The following PPARD variants were observed in gnomAD, a reference collection of about 807,000 sequenced individuals.
The protein encoded by PPARD is peroxisome proliferator-activated receptor delta.
A neutral mutation model predicts 39.5 loss-of-function variants in PPARD; 6 were observed. That is an observed-to-expected ratio of 0.15 (90% CI 0.08 to 0.30). The LOEUF is 0.30. Among genes scored for constraint, PPARD ranks in the 10% least tolerant of loss-of-function variants. The pLI is 1.00. For synonymous variants in PPARD, 210 were observed against 231.3 expected (o/e 0.91, Z 0.83); for missense variants, 397 against 596.8 (o/e 0.67, Z 3.49).
In PPARD at chr6:35,420,038, G is replaced by A. The variant is rs1045388546; in HGVS notation, c.131-89G>A. The A allele has an allele frequency of 1.5e-5, 22 of 1,472,784 alleles. No homozygotes were observed. The African/African-American group carries it at 3.0e-4, about 20-fold the overall frequency. The allele number at this position is 1,472,784 out of a possible 1,614,324, so 91.2% of individuals were successfully genotyped here. A position where few individuals can be genotyped will look rare whatever the true frequency, so the allele number is the denominator to read the frequency against. Reference sequence around the variant, plus strand: ...CCCTGAGGCCACACAGCTGTTAAGTGGCTGAGGCGAGGGCTGTGGGGCTGT... The same window carrying A: ...CCCTGAGGCCACACAGCTGTTAAGTAGCTGAGGCGAGGGCTGTGGGGCTGT... On this transcript the variant is annotated intron_variant, in intron 3 of 7. Transcript: ENST00000360694.
Position 35,426,343 on chromosome 6 carries a change from C to T in PPARD, c.*264C>T. 1 of 537,904 alleles carries T rather than the reference C, an allele frequency of 1.9e-6. No individual in the cohort carries two copies. The highest frequency in any genetic ancestry group is 2.2e-5 in the South Asian group (1 of 44,482). 33.3% of individuals were successfully genotyped at this position (537,904 alleles called of 1,614,324 possible). A position where few individuals can be genotyped will look rare whatever the true frequency, so the allele number is the denominator to read the frequency against. Reference sequence around the variant, plus strand: ...CTAATTCCTGTTGCTCTGTTTCTTCCTTTCTGTAGGTTTCTCTCTTCCCTT... The same window carrying T: ...CTAATTCCTGTTGCTCTGTTTCTTCTTTTCTGTAGGTTTCTCTCTTCCCTT... On this transcript the variant is annotated 3_prime_UTR_variant, in exon 8 of 8. Transcript: ENST00000360694.
chr6:35,410,879 G>A, intron 2 of PPARD, 108 bp from the exon 3 acceptor site: 2 of 1,218,480 alleles, frequency 1.6e-6, no homozygotes, highest in African/African-American at 1.6e-5. Context: ...AGGAGCAGGA[G>A]CAGAAGAACC....
intron 2 of PPARD, among the ~76,000 whole-genome samples, chr6:35,356,297 C>G (rs1761610544): frequency 6.6e-6 from 1 of 152,196 alleles, no homozygotes; most frequent in African/African-American, 2.4e-5. Context: ...AGGCAGAGTT[C>G]CTTGCCACCA....
At chr6:35,385,010 T>G (rs1581595533) in intron 2 of PPARD, among the ~76,000 whole-genome samples, 1 of 114,430 alleles carries the variant, frequency 8.7e-6, no homozygotes, top group Non-Finnish European at 1.7e-5. Context: ...GGGAGGGAGG[T>G]GGGAGGGGTC....
At chr6:35,398,413 T>TGA (rs906181962) in intron 2 of PPARD, among the ~76,000 whole-genome samples, 4 of 152,130 alleles carry the variant, frequency 2.6e-5, no homozygotes, top group Admixed American at 1.3e-4. Flanking sequence ...TTTACTGAGA[T>TGA]GAGAGAGACC....
Position 35,426,321 on chromosome 6 carries a change from A to C in PPARD, c.*242A>C. On this transcript the variant is annotated 3_prime_UTR_variant, in exon 8 of 8. Transcript: ENST00000360694. Reference sequence around the variant, plus strand: ...TTTCTCAGTTCCTCTTTCTTTTCTAATTCCTGTTGCTCTGTTTCTTCCTTT... The same window carrying C: ...TTTCTCAGTTCCTCTTTCTTTTCTACTTCCTGTTGCTCTGTTTCTTCCTTT... The C allele has an allele frequency of 3.5e-6, 2 of 567,962 alleles. No individual in the cohort carries two copies. The highest frequency in any genetic ancestry group is 3.1e-5 in the East Asian group (1 of 32,626). 35.2% of individuals were successfully genotyped at this position (567,962 alleles called of 1,614,324 possible).
chr6:35,396,892 C>T (rs1168386335), intron 2 of PPARD, among the ~76,000 whole-genome samples: 1 of 152,088 alleles, frequency 6.6e-6, no homozygotes, highest in Non-Finnish European at 1.5e-5. Flanking sequence ...AACTCCTGGG[C>T]TCAAGCAATC....
Position 35,420,275 on chromosome 6 carries a change from G to A in PPARD, c.279G>A (p.Gly93=), listed in dbSNP as rs1766058631. 6.4e-7 allele frequency: 1 copy of A among 1,572,730 alleles called. No homozygotes were observed. Residue 93 remains glycine, a synonymous_variant, in exon 4 of 8, where the codon GGG becomes GGA. Transcript: ENST00000360694. ...ACTACGGTGTTCATGCATGTGAGGG[G>A]TGCAAGGTACGGACTGGGGGGAGCG... ...GFHYGVHACE[G]CKGFFRRTIR...
chr6:35,373,068 A>G lies in PPARD; in HGVS notation c.-102+25918A>G, dbSNP rs576713739. ...TTGCTGTGTCCTCCAGAGGGGATGA[A>G]TGCTGTGTCCTTACATGGCAGAAGG... is the stretch of plus-strand genomic sequence containing the variant. On this transcript the variant is annotated intron_variant, in intron 2 of 7. Transcript: ENST00000360694. 2.7e-3 allele frequency among the ~76,000 whole-genome samples: 406 copies of G among 152,288 alleles called. 1 individual carries two copies. Among genetic ancestry groups the G allele is most frequent in the Non-Finnish European group, 4.9e-3 (336 of 68,020 alleles).
intron 1 of PPARD, among the ~76,000 whole-genome samples, chr6:35,345,904 T>G (rs1582258601): frequency 7.6e-6 from 1 of 131,826 alleles, no homozygotes. Flanking sequence ...TGAGATGGAG[T>G]CTCGCTCTGT....
chr6:35,344,124 A>G (rs1192641303), intron 1 of PPARD, among the ~76,000 whole-genome samples: 3 of 152,126 alleles, frequency 2.0e-5, no homozygotes, highest in Non-Finnish European at 4.4e-5. Flanking sequence ...TCTTTGGCCA[A>G]CTGAATGTGC....
intron 5 of PPARD, among the ~76,000 whole-genome samples, chr6:35,422,475 G>T (rs1766235823): frequency 6.6e-6 from 1 of 152,184 alleles, no homozygotes; most frequent in South Asian, 2.1e-4. Flanking sequence ...TCTGCCCTGT[G>T]CTCCAGGCCT....
intron 2 of PPARD, among the ~76,000 whole-genome samples, chr6:35,403,751 G>A (rs1764847818): frequency 6.6e-6 from 1 of 151,732 alleles, no homozygotes; most frequent in South Asian, 2.1e-4. Context: ...AGAAGGAACA[G>A]AATGGAGCTA....
chr6:35,389,182 T>C (rs543688346), intron 2 of PPARD, among the ~76,000 whole-genome samples: 1 of 152,162 alleles, frequency 6.6e-6, no homozygotes, highest in African/African-American at 2.4e-5. Flanking sequence ...CAAGACCCTG[T>C]CTCAAAAAAA....
chr6:35,395,211 C>T (rs796090226), intron 2 of PPARD, among the ~76,000 whole-genome samples: 11 of 152,250 alleles, frequency 7.2e-5, no homozygotes, highest in African/African-American at 2.6e-4. Flanking sequence ...AGGTAGAAGA[C>T]ACGCTCTTCA....
At position 35,424,870 on chromosome 6, in the gene PPARD, A is replaced by T; in HGVS notation, c.1078+91A>T. ...TGCAGGGCACTGTGCCTGAGCTCTGACAGTGTGGGGAAGTGTCCCTGTGAT... is the reference window on the plus strand; with the variant it reads ...TGCAGGGCACTGTGCCTGAGCTCTGTCAGTGTGGGGAAGTGTCCCTGTGAT... On this transcript the variant is annotated intron_variant, in intron 7 of 7. Coordinates refer to ENST00000360694, the MANE Select transcript of PPARD (RefSeq NM_006238.5). The surrounding 1 kb of genome is among the most constrained non-coding windows in gnomAD (Gnocchi z 7.1). 1 of 1,521,364 alleles carries T rather than the reference A, an allele frequency of 6.6e-7. No homozygotes were observed. The highest frequency in any genetic ancestry group is 2.3e-4 in the Middle Eastern group (1 of 4,278). The allele number at this position is 1,521,364 out of a possible 1,614,324, so 94.2% of individuals were successfully genotyped here. A position where few individuals can be genotyped will look rare whatever the true frequency, so the allele number is the denominator to read the frequency against.
chr6:35,400,031 G>T (rs1380122288), intron 2 of PPARD, among the ~76,000 whole-genome samples: 1 of 152,198 alleles, frequency 6.6e-6, no homozygotes, highest in African/African-American at 2.4e-5. Context: ...TTTTAGGTGA[G>T]ACTTGAACTT....
rs1286943738 is a variant in PPARD at position 35,424,239 on chromosome 6, T to C, written c.628-90T>C. 6.3e-7 allele frequency: 1 copy of C among 1,590,730 alleles called. No individual in the cohort carries two copies. The highest frequency in any genetic ancestry group is 8.6e-7 in the Non-Finnish European group (1 of 1,166,906). Reference sequence around the variant, plus strand: ...CTCCGGGAGAGCCAGGCCTTCTCCCTCCCTCAACTTCATGGTGCAGGCAAG... The same window carrying C: ...CTCCGGGAGAGCCAGGCCTTCTCCCCCCCTCAACTTCATGGTGCAGGCAAG... On this transcript the variant is annotated intron_variant, in intron 6 of 7. Coordinates refer to ENST00000360694, the MANE Select transcript of PPARD (RefSeq NM_006238.5). The surrounding 1 kb of genome is among the most constrained non-coding windows in gnomAD (Gnocchi z 7.1).
intron 2 of PPARD, among the ~76,000 whole-genome samples, chr6:35,391,460 G>A (rs148624735): frequency 1.5e-4 from 23 of 152,332 alleles, no homozygotes; most frequent in Admixed American, 1.4e-3. Flanking sequence ...CATAGATGAG[G>A]TGTGCTTCCT....
Sources: gnomAD v4.1 joint callset for allele counts (sites outside exome capture counted in the v4.1 genomes callset) on GRCh38, gnomAD v4.1.1 for gene constraint, Gnocchi (gnomAD v3.1) non-coding constraint, MANE v1.5 for transcripts, NCBI Gene and HGNC (gene_info 2026-07-23, HGNC 2026-07-21) for gene names.